Variants in CKAP2 observed in about 807,000 individuals in gnomAD.
CKAP2 encodes cytoskeleton associated protein 2.
CKAP2 carries 46 observed loss-of-function variants against 58.4 expected under a neutral mutation model. The observed-to-expected ratio is 0.79, with a 90% CI of 0.62 to 1.01. The LOEUF is 1.01. Ranked by LOEUF, CKAP2 falls within the 50% of genes least tolerant of loss-of-function variation. CKAP2 has a pLI of 0.00. For missense variants in CKAP2, 809 were observed against 796.4 expected, an observed-to-expected ratio of 1.02 and a Z score of -0.19; for synonymous variants, 293 against 280.9, an observed-to-expected ratio of 1.04 and a Z score of -0.43.
At chr13:52,455,967 C>G (rs1009184067) in intron 1 of CKAP2, 2 of 1,105,744 alleles carry the variant, frequency 1.8e-6, no homozygotes, top group Non-Finnish European at 2.2e-6. Context: ...GGTTCAGGGA[C>G]CGACTGCGCC....
rs1335110523 is a variant in CKAP2, at chr13:52,476,398, A to T, written c.*1257A>T. ...ACAGATATTTTATGAAATGCAGTTT[A>T]ACCACAGTGAATGAATTTTAGCTTT... is the stretch of plus-strand genomic sequence containing the variant. On this transcript the variant is annotated 3_prime_UTR_variant, in exon 9 of 9. Coordinates refer to ENST00000258607, the MANE Select transcript of CKAP2 (RefSeq NM_018204.5). The T allele has an allele frequency of 6.6e-6, 1 of 152,242 alleles. No individual in the cohort carries two copies. The highest frequency in any genetic ancestry group is 1.5e-5 in the Non-Finnish European group (1 of 68,036). 9.4% of individuals were successfully genotyped at this position (152,242 alleles called of 1,614,324 possible).
In CKAP2 at chr13:52,461,318, G is replaced by C; in HGVS notation, c.492G>C (p.Lys164Asn). The C allele has an allele frequency of 6.2e-7, 1 of 1,614,082 alleles. No individual in the cohort carries two copies. Among genetic ancestry groups the C allele is most frequent in the Non-Finnish European group, 8.5e-7 (1 of 1,180,014 alleles). The stretch of plus-strand genomic sequence containing the variant: ...AACAAATGACTACAGAAAAACAAAA[G>C]CAAGATGCTAACATGCCCAAGAAAC... ...KKKQMTTEKQ[K>N]QDANMPKKPV... The change falls in exon 4 of 9, where the codon AAG becomes AAC. Residue 164 changes from lysine (K) to asparagine (N), a missense_variant. Lys to Asn is a moderately conservative substitution (Grantham distance 94). Coordinates refer to ENST00000258607, the MANE Select transcript of CKAP2 (RefSeq NM_018204.5).
In CKAP2 at chr13:52,466,833, C is replaced by T. The variant is rs553229070; in HGVS notation, c.1476+1368C>T. On this transcript the variant is annotated intron_variant, in intron 6 of 8. Coordinates refer to ENST00000258607, the MANE Select transcript of CKAP2 (RefSeq NM_018204.5). ...ATTAGTGGCCAGGCATGATGGTTCA[C>T]GGCTGTAATCCCAACACGTTGGGAA... is the stretch of plus-strand genomic sequence containing the variant. Among the ~76,000 whole-genome samples, 6 of 152,086 alleles carry T rather than the reference C, an allele frequency of 3.9e-5. No individual in the cohort carries two copies. The East Asian group carries it at 7.7e-4, about 20-fold the overall frequency.
At position 52,474,907 on chromosome 13, in the gene CKAP2, G is replaced by C. The variant is rs1316237649; in HGVS notation, c.1815G>C (p.Lys605Asn). 1.2e-6 allele frequency: 2 copies of C among 1,605,842 alleles called. No individual in the cohort carries two copies. The highest frequency in any genetic ancestry group is 1.7e-6 in the Non-Finnish European group (2 of 1,174,284). Residue 605 changes from lysine to asparagine, a missense_variant, in exon 9 of 9, where the codon AAG (lysine) becomes AAC (asparagine). Physicochemically the swap from Lys to Asn is moderately conservative, Grantham distance 94. Coordinates refer to ENST00000258607, the MANE Select transcript of CKAP2 (RefSeq NM_018204.5). ...TTPYLQSVKK[K>N]VQFDGTNSAF... ...TTTTAATTTTCAGTGTGAAAAAAAA[G>C]GTGCAGTTTGATGGAACAAATTCCG...
At chr13:52,468,205 G>A (rs1486821970) in intron 6 of CKAP2, 73 bp from the exon 7 acceptor site, 1 of 865,898 alleles carries the variant, frequency 1.2e-6, no homozygotes. Flanking sequence ...ATTTAATCGC[G>A]ACTTGGATAC....
chr13:52,466,167 A>C (rs934054812), intron 6 of CKAP2, among the ~76,000 whole-genome samples: 7 of 152,048 alleles, frequency 4.6e-5, no homozygotes, highest in Middle Eastern at 3.2e-3. Flanking sequence ...CATACTCCTT[A>C]TCTCTTCTAG....
intron 6 of CKAP2, among the ~76,000 whole-genome samples, chr13:52,468,027 G>T (rs1324989949): frequency 6.6e-6 from 1 of 152,060 alleles, no homozygotes; most frequent in Non-Finnish European, 1.5e-5. Flanking sequence ...AGCCAGGATG[G>T]TCTTGATCTC....
chr13:52,460,800 A>G (rs1382119085), intron 2 of CKAP2, 99 bp from the exon 3 acceptor site: 4 of 969,864 alleles, frequency 4.1e-6, no homozygotes, highest in Non-Finnish European at 4.4e-6. Flanking sequence ...AAAATTAGTA[A>G]GTCAGTTAAT....
At chr13:52,470,246 C>T (rs1387297621) in intron 7 of CKAP2, among the ~76,000 whole-genome samples, 3 of 152,014 alleles carry the variant, frequency 2.0e-5, no homozygotes, top group African/African-American at 2.4e-5. Context: ...GCTGGGATTA[C>T]AGGCATGCGC....
At chr13:52,458,882 T>C (rs902816216) in intron 2 of CKAP2, among the ~76,000 whole-genome samples, 7 of 150,088 alleles carry the variant, frequency 4.7e-5, no homozygotes, top group Admixed American at 6.6e-5. Flanking sequence ...GGAAAACAGA[T>C]GTCAATTTAA....
Position 52,465,366 on chromosome 13 carries a change from T to C in CKAP2, c.1377T>C (p.Leu459=), listed in dbSNP as rs1958651185. The C allele has an allele frequency of 2.5e-6, 4 of 1,613,260 alleles. No individual in the cohort carries two copies. Among genetic ancestry groups the C allele is most frequent in the Middle Eastern group, 1.7e-4 (1 of 6,054 alleles). ...LIKNIPDAKK[L]VKYWICLALI... ...AAAATATTCCAGATGCCAAAAAGCTTGTTAAGTATTGGATATGTCTTGCAC... is the reference window on the plus strand; with the variant it reads ...AAAATATTCCAGATGCCAAAAAGCTCGTTAAGTATTGGATATGTCTTGCAC... Residue 459 remains leucine (L), a synonymous_variant, in exon 6 of 9, where the codon CTT becomes CTC. Coordinates refer to ENST00000258607, the MANE Select transcript of CKAP2 (RefSeq NM_018204.5).
intron 6 of CKAP2, among the ~76,000 whole-genome samples, chr13:52,466,052 T>C (rs572947230): frequency 3.2e-4 from 48 of 151,682 alleles, no homozygotes; most frequent in South Asian, 2.1e-3. Flanking sequence ...CACACACACA[T>C]ATATATATAA....
chr13:52,468,214 A>G, intron 6 of CKAP2, 64 bp from the exon 7 acceptor site: 1 of 932,786 alleles, frequency 1.1e-6, no homozygotes. Flanking sequence ...CGACTTGGAT[A>G]CCTAGTTAAT....
Position 52,474,084 on chromosome 13 carries a change from G to A in CKAP2, c.1802G>A (p.Ser601Asn), listed in dbSNP as rs758220231. 1.2e-6 allele frequency: 2 copies of A among 1,604,200 alleles called. No individual in the cohort carries two copies. The highest frequency in any genetic ancestry group is 1.7e-5 in the Admixed American group (1 of 58,436). Reference sequence around the variant, plus strand: ...GTGTCTACTACGCCATACTTGCAAAGGTAAACTTTTAAAATGTACCATGAT... The same window carrying A: ...GTGTCTACTACGCCATACTTGCAAAAGTAAACTTTTAAAATGTACCATGAT... ...YNVSTTPYLQ[S>N]VKKKVQFDGT... Residue 601 changes from serine to asparagine, a missense_variant and splice_region_variant, in exon 8 of 9, where the codon AGT becomes AAT. Around this residue, in one of 3 missense-constraint regions of CKAP2, gnomAD observed 283 missense variants for 287.6 expected, o/e 0.98. Transcript: ENST00000258607.
chr13:52,456,177 C>G (rs1594131467), intron 1 of CKAP2: 4 of 1,056,716 alleles, frequency 3.8e-6, no homozygotes, highest in East Asian at 1.5e-4. Context: ...TAACCCAGTT[C>G]TGGTAAATTA....
intron 7 of CKAP2, among the ~76,000 whole-genome samples, chr13:52,469,842 C>T (rs373304761): frequency 2.0e-5 from 3 of 149,466 alleles, no homozygotes; most frequent in Admixed American, 6.6e-5. Context: ...ATGATCCACC[C>T]GCCTCGGCCT....
chr13:52,460,534 T>C (rs912772544), intron 2 of CKAP2, among the ~76,000 whole-genome samples: 1 of 150,478 alleles, frequency 6.6e-6, no homozygotes. Flanking sequence ...GAACTCCGCC[T>C]CCCGGGTTCA....
chr13:52,457,156 A>G (rs1389746694), intron 2 of CKAP2, among the ~76,000 whole-genome samples: 1 of 152,136 alleles, frequency 6.6e-6, no homozygotes, highest in Non-Finnish European at 1.5e-5. Flanking sequence ...CAGCCTCTGA[A>G]AGTGCTGTGA....
intron 2 of CKAP2, among the ~76,000 whole-genome samples, chr13:52,458,643 A>G (rs1466755004): frequency 6.6e-6 from 1 of 152,096 alleles, no homozygotes; most frequent in East Asian, 1.9e-4. Flanking sequence ...CGGGTGTATC[A>G]CTTGAGGTCA....
Sources: allele counts gnomAD v4.1 joint callset (sites outside exome capture counted in the v4.1 genomes callset), GRCh38; gene constraint gnomAD v4.1.1; regional missense constraint gnomAD v4.1.1; transcripts MANE v1.5; gene names NCBI Gene and HGNC (gene_info 2026-07-23, HGNC 2026-07-21).